The following MAML3 variants were observed in gnomAD, a reference collection of about 807,000 sequenced individuals.
MAML3 encodes mastermind-like protein 3.
In MAML3, 27 loss-of-function variants were observed where a neutral mutation model predicts 101.9. That is an observed-to-expected ratio of 0.27 (90% CI 0.20 to 0.37). The LOEUF (loss-of-function observed/expected upper bound fraction) is 0.37. MAML3 is among the 10% of genes least tolerant of loss of function. The pLI, the probability that MAML3 is intolerant of heterozygous loss-of-function variation, is 1.00. For missense variants in MAML3, 1,316 were observed against 1,444.9 expected, an observed-to-expected ratio of 0.91 and a Z score of 1.45; for synonymous variants, 501 against 555.9, an observed-to-expected ratio of 0.90 and a Z score of 1.39.
chr4:139,898,675 G>A lies in MAML3; in HGVS notation c.469-7708C>T, dbSNP rs1732659779. Among the ~76,000 whole-genome samples, 5 of 152,152 alleles carry A rather than the reference G, an allele frequency of 3.3e-5. No individual in the cohort carries two copies. In the South Asian group the frequency reaches 1.0e-3, roughly 32 times the overall value. On this transcript the variant is annotated intron_variant, in intron 1 of 4. Coordinates refer to ENST00000509479, the MANE Select transcript of MAML3 (RefSeq NM_018717.5). ...TTAGAGGCTCAAAGAGAACATTTTG[G>A]TCATTTTGATCTGTTCTGGTCAAAC...
chr4:140,094,088 T>C (rs1225174437), intron 1 of MAML3, among the ~76,000 whole-genome samples: 1 of 152,178 alleles, frequency 6.6e-6, no homozygotes, highest in Non-Finnish European at 1.5e-5. Context: ...CAATGAGCTC[T>C]GCCAGGCCTG....
chr4:139,895,220 C>G lies in MAML3; in HGVS notation c.469-4253G>C, dbSNP rs148836009. On this transcript the variant is annotated intron_variant, in intron 1 of 4. Coordinates refer to ENST00000509479, the MANE Select transcript of MAML3 (RefSeq NM_018717.5). ...GAGCACTGGCTCTGGAGTTAGAAAG[C>G]TTGAGTTCAAATCCAACATCACCTA... 7.4e-4 allele frequency among the ~76,000 whole-genome samples: 112 copies of G among 152,336 alleles called. 2 individuals carry two copies. In the East Asian group the frequency reaches 0.02, roughly 28 times the overall value.
intron 1 of MAML3, among the ~76,000 whole-genome samples, chr4:140,125,614 TTGTC>T (rs1728670787): frequency 6.6e-6 from 1 of 152,116 alleles, no homozygotes; most frequent in Non-Finnish European, 1.5e-5. Context: ...TACAGGTTTT[TTGTC>T]TGTCTCTTTG....
intron 1 of MAML3, among the ~76,000 whole-genome samples, chr4:139,918,476 C>CAT (rs1162340153): frequency 6.6e-6 from 1 of 152,224 alleles, no homozygotes; most frequent in African/African-American, 2.4e-5. Flanking sequence ...TTTCAGCTCA[C>CAT]ATCTCTCCCC....
At chr4:140,149,691 T>C (rs1729123577) in intron 1 of MAML3, among the ~76,000 whole-genome samples, 1 of 152,222 alleles carries the variant, frequency 6.6e-6, no homozygotes, top group Admixed American at 6.5e-5. Context: ...GGGTGATCAT[T>C]GTTTTTCTTT....
At chr4:139,977,611 G>A (rs551797596) in intron 1 of MAML3, among the ~76,000 whole-genome samples, 8 of 152,244 alleles carry the variant, frequency 5.3e-5, no homozygotes, top group African/African-American at 9.6e-5. Context: ...GGTAGCTCAC[G>A]CCTGTAATCC....
intron 1 of MAML3, among the ~76,000 whole-genome samples, chr4:139,972,973 A>C (rs1393768441): frequency 6.6e-6 from 1 of 152,228 alleles, no homozygotes. Flanking sequence ...TTTCAGATGA[A>C]TATACTACCT....
At chr4:140,006,444 G>C (rs1560864243) in intron 1 of MAML3, among the ~76,000 whole-genome samples, 2 of 152,110 alleles carry the variant, frequency 1.3e-5, no homozygotes, top group Non-Finnish European at 2.9e-5. Context: ...AAATTAGCCA[G>C]GCATGGTGGC....
intron 2 of MAML3, among the ~76,000 whole-genome samples, chr4:139,772,195 G>C (rs111860487): frequency 0.024 from 2,902 of 119,360 alleles, 32 homozygotes; most frequent in Middle Eastern, 0.07. Flanking sequence ...AGCCGAGATC[G>C]CGCCACTGCA....
At chr4:139,828,031 C>T (rs994756258) in intron 2 of MAML3, among the ~76,000 whole-genome samples, 8 of 152,190 alleles carry the variant, frequency 5.3e-5, no homozygotes, top group Admixed American at 2.6e-4. Flanking sequence ...ACGGTGCTGC[C>T]AAGATGTTAT....
At chr4:140,011,235 T>TAC (rs1405120173) in intron 1 of MAML3, among the ~76,000 whole-genome samples, 12 of 142,232 alleles carry the variant, frequency 8.4e-5, no homozygotes, top group African/African-American at 3.0e-4. Context: ...AAAGTGTGCA[T>TAC]ATATATATAT....
chr4:139,822,443 C>T (rs1730992109), intron 2 of MAML3, among the ~76,000 whole-genome samples: 1 of 152,284 alleles, frequency 6.6e-6, no homozygotes, highest in South Asian at 2.1e-4. Context: ...CTGTACCCCT[C>T]TGGGCAACAG....
At chr4:139,856,415 G>A (rs188787542) in intron 2 of MAML3, among the ~76,000 whole-genome samples, 2 of 152,298 alleles carry the variant, frequency 1.3e-5, no homozygotes, top group African/African-American at 2.4e-5. Context: ...AGACCTGGAC[G>A]GACACAAGCA....
intron 1 of MAML3, among the ~76,000 whole-genome samples, chr4:140,118,837 T>C (rs1472853302): frequency 2.0e-5 from 3 of 152,164 alleles, no homozygotes; most frequent in African/African-American, 7.2e-5. Context: ...CCACTTCTGA[T>C]CAAGTAACCC....
chr4:140,093,096 C>T lies in MAML3; in HGVS notation c.468+59764G>A, dbSNP rs1335443650. Among the ~76,000 whole-genome samples the T allele has an allele frequency of 7.2e-5, 11 of 152,236 alleles. No homozygotes were observed. In the East Asian group the frequency reaches 1.5e-3, roughly 21 times the overall value. On this transcript the variant is annotated intron_variant, in intron 1 of 4. Coordinates refer to ENST00000509479, the MANE Select transcript of MAML3 (RefSeq NM_018717.5). ...TTTTATGCGAGCAGATTTCCAGGCA[C>T]GATGTTGTTCACCCATCTATAACTT...
intron 2 of MAML3, among the ~76,000 whole-genome samples, chr4:139,819,286 C>T (rs1198323425): frequency 6.6e-6 from 1 of 152,080 alleles, no homozygotes; most frequent in Non-Finnish European, 1.5e-5. Context: ...GTGTGTGGCT[C>T]ACTCAAGAGA....
chr4:139,716,981 A>G lies in MAML3; in HGVS notation c.*2342T>C, dbSNP rs1727997449. ...TAGATGTCATCTGAAGTGCAATACC[A>G]CTGCTGTGATGATGAGTTAAGGAAT... On this transcript the variant is annotated 3_prime_UTR_variant, in exon 5 of 5. Transcript: ENST00000509479. 1 of 152,622 alleles carries G rather than the reference A, an allele frequency of 6.6e-6. No homozygotes were observed. Among genetic ancestry groups the G allele is most frequent in the African/African-American group, 2.4e-5 (1 of 41,460 alleles). The allele number at this position is 152,622 out of a possible 1,614,324, so 9.5% of individuals were successfully genotyped here. A position where few individuals can be genotyped will look rare whatever the true frequency, so the allele number is the denominator to read the frequency against.
chr4:139,946,078 C>T (rs1166527900), intron 1 of MAML3, among the ~76,000 whole-genome samples: 1 of 152,156 alleles, frequency 6.6e-6, no homozygotes, highest in Non-Finnish European at 1.5e-5. Context: ...ACCAACAAAC[C>T]TTGTGAACGC....
intron 1 of MAML3, among the ~76,000 whole-genome samples, chr4:140,083,207 A>G (rs1416845954): frequency 1.3e-5 from 2 of 152,226 alleles, no homozygotes; most frequent in Non-Finnish European, 2.9e-5. Flanking sequence ...TCTTTCCACT[A>G]CATTACAGCT....
Sources: gnomAD v4.1 joint callset for allele counts (sites outside exome capture counted in the v4.1 genomes callset) on GRCh38, gnomAD v4.1.1 for gene constraint, MANE v1.5 for transcripts, NCBI Gene and HGNC (gene_info 2026-07-23, HGNC 2026-07-21) for gene names.